The following EFCAB11 variants were observed in gnomAD, a reference collection of about 807,000 sequenced individuals.
EFCAB11 encodes the protein EF-hand calcium binding domain 11, also known as EF-hand calcium-binding domain-containing protein 11.
In EFCAB11, 14 loss-of-function variants were observed where a neutral mutation model predicts 23.0. That is an observed-to-expected ratio of 0.61 (90% CI 0.40 to 0.95). EFCAB11 has a LOEUF of 0.95. EFCAB11 is among the 40% of genes least tolerant of loss of function. The pLI, the probability that EFCAB11 is intolerant of heterozygous loss-of-function variation, is 0.00. For synonymous variants in EFCAB11, 65 were observed against 66.6 expected (o/e 0.98, Z 0.11); for missense variants, 198 against 195.8 (o/e 1.01, Z -0.07).
intron 5 of EFCAB11, among the ~76,000 whole-genome samples, chr14:89,876,852 A>G (rs1286940): frequency 0.87 from 133,093 of 152,166 alleles, 58,392 homozygotes; most frequent in Non-Finnish European, 0.9. Context: ...CACTGAATGA[A>G]GAAGCTCTAC....
intron 5 of EFCAB11, chr14:89,836,949 G>C (rs1376239687): frequency 2.2e-6 from 1 of 446,988 alleles, no homozygotes; most frequent in South Asian, 1.6e-5. Flanking sequence ...AACCCAGGAG[G>C]AAGTGGAGGC....
intron 5 of EFCAB11, among the ~76,000 whole-genome samples, chr14:89,891,414 T>C (rs1336578934): frequency 6.6e-6 from 1 of 152,178 alleles, no homozygotes; most frequent in Admixed American, 6.5e-5. Flanking sequence ...TTTTAATTCA[T>C]TAAAATTACT....
In EFCAB11 at chr14:89,933,755, T is replaced by C. The variant is rs116836171; in HGVS notation, c.218-1128A>G. On this transcript the variant is annotated intron_variant, in intron 3 of 5. Coordinates refer to ENST00000316738, the MANE Select transcript of EFCAB11 (RefSeq NM_145231.4). Reference sequence around the variant, plus strand: ...AAGGCAGTCATTACACAGGTTCAACTGCAAATGCACACCTCATTACAAACT... The same window carrying C: ...AAGGCAGTCATTACACAGGTTCAACCGCAAATGCACACCTCATTACAAACT... Among the ~76,000 whole-genome samples the C allele has an allele frequency of 2.4e-3, 365 of 152,258 alleles. 1 individual carries two copies. Among genetic ancestry groups the C allele is most frequent in the African/African-American group, 8.0e-3 (334 of 41,548 alleles).
chr14:89,862,835 A>G (rs1316148175), intron 5 of EFCAB11, among the ~76,000 whole-genome samples: 1 of 152,198 alleles, frequency 6.6e-6, no homozygotes, highest in East Asian at 1.9e-4. Context: ...AGGTAAGACA[A>G]AGTTAGCTCT....
At chr14:89,840,893 A>G (rs1887240038) in intron 5 of EFCAB11, among the ~76,000 whole-genome samples, 1 of 152,268 alleles carries the variant, frequency 6.6e-6, no homozygotes, top group Non-Finnish European at 1.5e-5. Context: ...GATAAAATGC[A>G]TCATTGTGTA....
In EFCAB11 at chr14:89,796,120, A is replaced by G. The variant is rs1172481454; in HGVS notation, c.*1123T>C. On this transcript the variant is annotated 3_prime_UTR_variant, in exon 6 of 6. Coordinates refer to ENST00000316738, the MANE Select transcript of EFCAB11 (RefSeq NM_145231.4). ...CTAGACCATCCTAAAGGGTTCTGCA[A>G]ACATGTCTCTTGCCCCCAGTACCCT... 2 of 152,468 alleles carry G rather than the reference A, an allele frequency of 1.3e-5. No individual in the cohort carries two copies. Among genetic ancestry groups the G allele is most frequent in the East Asian group, 1.9e-4 (1 of 5,174 alleles). 9.4% of individuals were successfully genotyped at this position (152,468 alleles called of 1,614,324 possible). A position where few individuals can be genotyped will look rare whatever the true frequency, so the allele number is the denominator to read the frequency against.
intron 5 of EFCAB11, among the ~76,000 whole-genome samples, chr14:89,928,712 AATAATAT>A (rs1890274802): frequency 6.8e-6 from 1 of 147,640 alleles, no homozygotes; most frequent in South Asian, 2.1e-4. Flanking sequence ...TACAATTATT[AATAATAT>A]ATAATTCTGT....
intron 5 of EFCAB11, among the ~76,000 whole-genome samples, chr14:89,929,031 A>ATATATATATATATATATTT (rs533468035): frequency 6.2e-5 from 8 of 129,670 alleles, no homozygotes; most frequent in South Asian, 4.9e-4. Flanking sequence ...AAATACATAC[A>ATATATATATATATATATTT]TATATATATA....
At chr14:89,916,544 G>C (rs1186788964) in intron 5 of EFCAB11, among the ~76,000 whole-genome samples, 1 of 152,138 alleles carries the variant, frequency 6.6e-6, no homozygotes, top group Non-Finnish European at 1.5e-5. Context: ...ATTTGAAATA[G>C]GCCCAGAAAA....
intron 5 of EFCAB11, among the ~76,000 whole-genome samples, chr14:89,835,217 G>C (rs974614284): frequency 4.6e-5 from 7 of 152,170 alleles, no homozygotes; most frequent in Non-Finnish European, 1.0e-4. Context: ...CAGGATGCCC[G>C]GAGGCAGAGG....
intron 5 of EFCAB11, among the ~76,000 whole-genome samples, chr14:89,854,211 T>A (rs75113471): frequency 0.034 from 4,613 of 137,652 alleles, 106 homozygotes; most frequent in South Asian, 0.11. Flanking sequence ...AAAAAAAAAA[T>A]GACATCTCAA....
chr14:89,861,250 G>C (rs577109938), intron 5 of EFCAB11, among the ~76,000 whole-genome samples: 1 of 152,018 alleles, frequency 6.6e-6, no homozygotes, highest in South Asian at 2.1e-4. Context: ...ACTCACCTAG[G>C]CTCTCCATCC....
chr14:89,864,886 C>T (rs1282193474), intron 5 of EFCAB11, among the ~76,000 whole-genome samples: 1 of 152,174 alleles, frequency 6.6e-6, no homozygotes, highest in Non-Finnish European at 1.5e-5. Flanking sequence ...AGAGAAGGAT[C>T]CACCCACAGC....
rs963646675 is a variant in EFCAB11 at position 89,851,794 on chromosome 14, G to A, written c.411-54470C>T. Among the ~76,000 whole-genome samples, 8 of 152,264 alleles carry A rather than the reference G, an allele frequency of 5.3e-5. No individual in the cohort carries two copies. In the East Asian group the frequency reaches 5.8e-4, roughly 11 times the overall value. On this transcript the variant is annotated intron_variant, in intron 5 of 5. Transcript: ENST00000316738. ...AGCTTTGGGATCATCATAAAGAGAC[G>A]CGGGTCTAAGGCAAAAGGCTAAAGT...
At chr14:89,891,902 C>T (rs1197355744) in intron 5 of EFCAB11, among the ~76,000 whole-genome samples, 2 of 152,030 alleles carry the variant, frequency 1.3e-5, no homozygotes, top group East Asian at 3.9e-4. Flanking sequence ...GCCTGGCGCC[C>T]CACAGCCCAA....
intron 5 of EFCAB11, among the ~76,000 whole-genome samples, chr14:89,814,862 ATT>A (rs1032110562): frequency 1.3e-5 from 2 of 152,062 alleles, no homozygotes; most frequent in African/African-American, 4.8e-5. Context: ...GCTTTCGGAG[ATT>A]TTGAGGGTCT....
chr14:89,902,609 T>C (rs1000816211), intron 5 of EFCAB11, among the ~76,000 whole-genome samples: 1 of 152,196 alleles, frequency 6.6e-6, no homozygotes, highest in South Asian at 2.1e-4. Flanking sequence ...CTAATTCATA[T>C]TGGGTTTACT....
chr14:89,817,243 CACTG>C lies in EFCAB11; in HGVS notation c.411-19923_411-19920del, dbSNP rs144760007. 1.3e-3 allele frequency among the ~76,000 whole-genome samples: 201 copies of C among 152,190 alleles called. 1 individual carries two copies. The highest frequency in any genetic ancestry group is 4.5e-3 in the African/African-American group (185 of 41,526). ...CAACCCACATTAAAAGAAATAGGAGCACTGACTAACACCTGTAACCCCAGTGCTT... is the reference window on the plus strand; with the variant it reads ...CAACCCACATTAAAAGAAATAGGAGCACTAACACCTGTAACCCCAGTGCTT... On this transcript the variant is annotated intron_variant, in intron 5 of 5. Coordinates refer to ENST00000316738, the MANE Select transcript of EFCAB11 (RefSeq NM_145231.4).
intron 2 of EFCAB11, among the ~76,000 whole-genome samples, chr14:89,951,999 C>T (rs1891186131): frequency 1.3e-5 from 2 of 152,104 alleles, no homozygotes; most frequent in South Asian, 2.1e-4. Flanking sequence ...TATTTTATTG[C>T]TTCATGACCT....
Sources: gnomAD v4.1 joint callset for allele counts (sites outside exome capture counted in the v4.1 genomes callset) on GRCh38, gnomAD v4.1.1 for gene constraint, MANE v1.5 for transcripts, NCBI Gene and HGNC (gene_info 2026-07-23, HGNC 2026-07-21) for gene names.